CFAP20DC: variants seen among roughly 807,000 people sequenced by gnomAD.
The protein encoded by CFAP20DC is CFAP20 domain containing, also known as protein CFAP20DC.
Under a neutral mutation model 101.7 loss-of-function variants are expected in CFAP20DC, and 84 were observed. The ratio of observed to expected loss-of-function variants is 0.83; its 90% confidence interval spans 0.69 to 0.99. CFAP20DC has a LOEUF of 0.99. Ranked by LOEUF, CFAP20DC falls within the 50% of genes least tolerant of loss-of-function variation. The pLI, the probability that CFAP20DC is intolerant of heterozygous loss-of-function variation, is 0.00. For synonymous variants in CFAP20DC, 359 were observed against 351.2 expected (o/e 1.02, Z -0.25); for missense variants, 1,007 against 970.3 (o/e 1.04, Z -0.50).
At chr3:58,993,635 T>C (rs1355957318) in intron 4 of CFAP20DC, among the ~76,000 whole-genome samples, 1 of 152,118 alleles carries the variant, frequency 6.6e-6, no homozygotes, top group Non-Finnish European at 1.5e-5. Flanking sequence ...CTTCCACGCA[T>C]CCATGTGTCC....
At chr3:58,977,178 C>A (rs1466913743) in intron 4 of CFAP20DC, among the ~76,000 whole-genome samples, 2 of 152,080 alleles carry the variant, frequency 1.3e-5, no homozygotes, top group Non-Finnish European at 2.9e-5. Context: ...TTTCTAAGAA[C>A]CTATTGATGA....
chr3:58,867,863 T>C lies in CFAP20DC; in HGVS notation c.1089A>G (p.Arg363=). 1 of 1,613,734 alleles carries C rather than the reference T, an allele frequency of 6.2e-7. No homozygotes were observed. The highest frequency in any genetic ancestry group is 8.5e-7 in the Non-Finnish European group (1 of 1,179,690). ...CTCTGCTGGTACTTTTTAACCGTAA[T>C]CTTCTTCTGTTATTATTCTTATCTG... The part of the protein sequence containing the change: ...PSADKNNNRR[R]LRLKSTSRER... Residue 363 remains arginine (R), a synonymous_variant, in exon 10 of 17, where the codon AGA becomes AGG. Coordinates refer to ENST00000482387, the MANE Select transcript of CFAP20DC (RefSeq NM_001394063.1).
chr3:58,761,874 T>C (rs912158306), intron 15 of CFAP20DC, among the ~76,000 whole-genome samples: 2 of 152,156 alleles, frequency 1.3e-5, no homozygotes, highest in African/African-American at 4.8e-5. Context: ...TCCTGAGTTC[T>C]AGTTTGATTG....
At chr3:58,738,989 T>C (rs1293259022), downstream of CFAP20DC, among the ~76,000 whole-genome samples, 3 of 152,236 alleles carry the variant, frequency 2.0e-5, no homozygotes, top group East Asian at 3.8e-4. The surrounding 1 kb of genome is among the most constrained non-coding windows in gnomAD (Gnocchi z 4.4). Context: ...TGTGACTACA[T>C]TATTCTTATT....
At chr3:59,017,990 A>C (rs1161269355) in intron 4 of CFAP20DC, 1 of 152,150 alleles carries the variant, frequency 6.6e-6, no homozygotes, top group Non-Finnish European at 1.5e-5. Flanking sequence ...TTGGCCCAGC[A>C]TAGGTCAGAT....
At chr3:58,994,443 AT>A (rs965618692) in intron 4 of CFAP20DC, among the ~76,000 whole-genome samples, 37 of 147,762 alleles carry the variant, frequency 2.5e-4, no homozygotes, top group East Asian at 1.2e-3. Context: ...CATTATCCTC[AT>A]TTTTTTTTTA....
At chr3:58,970,742 G>T (rs1373310496) in intron 4 of CFAP20DC, 1 of 152,112 alleles carries the variant, frequency 6.6e-6, no homozygotes, top group Non-Finnish European at 1.5e-5. Context: ...AATAACATCT[G>T]TCCTTCCATT....
At chr3:59,019,879 T>TA (rs1176220192) in intron 4 of CFAP20DC, among the ~76,000 whole-genome samples, 6 of 152,018 alleles carry the variant, frequency 3.9e-5, no homozygotes, top group Non-Finnish European at 5.9e-5. Flanking sequence ...TACTAACATG[T>TA]TATTTGTTTT....
intron 16 of CFAP20DC, among the ~76,000 whole-genome samples, chr3:58,745,002 A>C (rs1195727111): frequency 6.6e-6 from 1 of 152,116 alleles, no homozygotes; most frequent in East Asian, 1.9e-4. Flanking sequence ...GGACTTTGCT[A>C]ACAACCACAT....
At chr3:58,877,156 A>AC (rs1281902019) in intron 7 of CFAP20DC, among the ~76,000 whole-genome samples, 1 of 152,148 alleles carries the variant, frequency 6.6e-6, no homozygotes, top group Non-Finnish European at 1.5e-5. Context: ...ACAGTTTAGT[A>AC]AGTCTGTTCA....
At chr3:58,943,867 A>G (rs965472330) in intron 4 of CFAP20DC, among the ~76,000 whole-genome samples, 1 of 152,178 alleles carries the variant, frequency 6.6e-6, no homozygotes, top group Non-Finnish European at 1.5e-5. Context: ...ACGAGTTTAG[A>G]AAAGAATATA....
intron 13 of CFAP20DC, among the ~76,000 whole-genome samples, chr3:58,843,415 A>G (rs1175289272): frequency 3.9e-5 from 6 of 152,054 alleles, no homozygotes; most frequent in African/African-American, 1.2e-4. Context: ...GGGTATCAGC[A>G]ATGGAAGATG....
In CFAP20DC at chr3:58,788,802, C is replaced by G. The variant is rs1270454891; in HGVS notation, c.2237+17593G>C. Among the ~76,000 whole-genome samples the G allele has an allele frequency of 2.0e-5, 3 of 152,114 alleles. No homozygotes were observed. The highest frequency in any genetic ancestry group is 2.9e-5 in the Non-Finnish European group (2 of 68,016). On this transcript the variant is annotated intron_variant, in intron 15 of 16. Transcript: ENST00000482387. The surrounding 1 kb of genome is among the most constrained non-coding windows in gnomAD (Gnocchi z 4.2). ...CATCTGGAATATGGGAATAAGAGAACTGACCCTACTGGGTTGTAGCAGGGA... is the reference window on the plus strand; with the variant it reads ...CATCTGGAATATGGGAATAAGAGAAGTGACCCTACTGGGTTGTAGCAGGGA...
rs200836783 is a variant in CFAP20DC, at chr3:58,984,094, TAA to T, written c.279-46334_279-46333del. Among the ~76,000 whole-genome samples the T allele has an allele frequency of 3.0e-4, 45 of 152,340 alleles. No homozygotes were observed. The East Asian group carries it at 6.6e-3, about 22-fold the overall frequency. ...AAATGGAAAAGGGAAAGAATGCTTATAAGTTTGGCTGGGGAGGAAAGGAAGAA... is the reference window on the plus strand; with the variant it reads ...AAATGGAAAAGGGAAAGAATGCTTATGTTTGGCTGGGGAGGAAAGGAAGAA... On this transcript the variant is annotated intron_variant, in intron 4 of 16. Coordinates refer to ENST00000482387, the MANE Select transcript of CFAP20DC (RefSeq NM_001394063.1).
chr3:58,822,245 T>A (rs979265560), intron 14 of CFAP20DC, among the ~76,000 whole-genome samples: 1 of 149,818 alleles, frequency 6.7e-6, no homozygotes, highest in Non-Finnish European at 1.5e-5. Context: ...TGTATACATA[T>A]GTAACTAACC....
At position 58,933,973 on chromosome 3, in the gene CFAP20DC, G is replaced by A. The variant is rs562678551; in HGVS notation, c.393+3675C>T. ...ACAAAAAACCCTTCAAAAAATTAAT[G>A]AATCCAGGAGCTGGTTTTTTGAAAG... On this transcript the variant is annotated intron_variant, in intron 5 of 16. Transcript: ENST00000482387. Among the ~76,000 whole-genome samples, 18 of 152,006 alleles carry A rather than the reference G, an allele frequency of 1.2e-4. No homozygotes were observed. The South Asian group carries it at 3.3e-3, about 28-fold the overall frequency.
rs779241390 is a variant in CFAP20DC at position 59,049,661 on chromosome 3, A to C, written c.-30T>G. 4.6e-6 allele frequency: 7 copies of C among 1,535,672 alleles called. No individual in the cohort carries two copies. In the South Asian group the frequency reaches 7.1e-5, roughly 16 times the overall value. On this transcript the variant is annotated 5_prime_UTR_variant, in exon 1 of 17. Transcript: ENST00000482387. ...GCAGGGGGCCCAGGGCTTGGGGGGC[A>C]CAGAGTTCAGGGTTTCCAGCGAGTG...
At chr3:58,968,332 T>A (rs965828582) in intron 4 of CFAP20DC, among the ~76,000 whole-genome samples, 1 of 152,188 alleles carries the variant, frequency 6.6e-6, no homozygotes, top group Admixed American at 6.5e-5. Context: ...CCATCAACAG[T>A]GTATAAGTGT....
At chr3:58,796,495 C>T (rs2073253793) in intron 15 of CFAP20DC, among the ~76,000 whole-genome samples, 1 of 152,086 alleles carries the variant, frequency 6.6e-6, no homozygotes, top group Non-Finnish European at 1.5e-5. Flanking sequence ...AGGAAAGAGG[C>T]CCAGCTGGAG....
Sources: allele counts gnomAD v4.1 joint callset (sites outside exome capture counted in the v4.1 genomes callset), GRCh38; gene constraint gnomAD v4.1.1; non-coding constraint Gnocchi (gnomAD v3.1); transcripts MANE v1.5; gene names NCBI Gene and HGNC (gene_info 2026-07-23, HGNC 2026-07-21).